The following ASTN2 variants were observed in gnomAD, a reference collection of about 807,000 sequenced individuals.
ASTN2 encodes the protein astrotactin 2, also known as astrotactin-2.
ASTN2 carries 54 observed loss-of-function variants against 139.8 expected under a neutral mutation model. The observed-to-expected ratio is 0.39, with a 90% CI of 0.31 to 0.48. ASTN2 has a LOEUF of 0.48. ASTN2 is among the 20% of genes least tolerant of loss of function. ASTN2 has a pLI of 0.95. For missense variants in ASTN2, 1,565 were observed against 1,725.1 expected (o/e 0.91, Z 1.64); for synonymous variants, 756 against 719.5 (o/e 1.05, Z -0.81).
chr9:116,978,493 A>G (rs12351712), intron 7 of ASTN2, among the ~76,000 whole-genome samples: 1 of 123,304 alleles, frequency 8.1e-6, no homozygotes, highest in Non-Finnish European at 1.6e-5. Context: ...TCTCTCTCTC[A>G]CGCACACACA....
At chr9:116,525,872 A>G (rs562125379) in intron 19 of ASTN2, among the ~76,000 whole-genome samples, 58 of 152,086 alleles carry the variant, frequency 3.8e-4, no homozygotes, top group African/African-American at 1.4e-3. Context: ...TTCCAGACCC[A>G]CTCTCTCCAC....
At chr9:117,308,008 T>C (rs952178024) in intron 1 of ASTN2, among the ~76,000 whole-genome samples, 1 of 152,298 alleles carries the variant, frequency 6.6e-6, no homozygotes, top group Non-Finnish European at 1.5e-5. Context: ...GATTTTGTTA[T>C]GGGAAAAAAA....
intron 5 of ASTN2, among the ~76,000 whole-genome samples, chr9:117,075,840 T>C (rs1312099096): frequency 1.3e-5 from 2 of 152,162 alleles, no homozygotes; most frequent in African/African-American, 2.4e-5. Flanking sequence ...TGTGCCTCAG[T>C]TTTCTCATCC....
chr9:116,925,405 T>A (rs1177976897), intron 10 of ASTN2, among the ~76,000 whole-genome samples: 1 of 152,184 alleles, frequency 6.6e-6, no homozygotes, highest in East Asian at 1.9e-4. Flanking sequence ...AGCTGTGTAA[T>A]GGGGCAGAAG....
At chr9:116,754,485 T>G (rs762501824) in intron 13 of ASTN2, among the ~76,000 whole-genome samples, 15 of 152,218 alleles carry the variant, frequency 9.9e-5, no homozygotes, top group Admixed American at 1.3e-4. Context: ...GTTTCCTGTC[T>G]TTTTAATGAT....
At chr9:117,248,777 A>C (rs10818015) in intron 2 of ASTN2, among the ~76,000 whole-genome samples, 30,549 of 152,252 alleles carry the variant, frequency 0.2, 3,243 homozygotes, top group East Asian at 0.29. Flanking sequence ...GAAAAGGTAA[A>C]GGACATGTAG....
chr9:116,550,603 T>C (rs1020096977), intron 19 of ASTN2, among the ~76,000 whole-genome samples: 1 of 152,090 alleles, frequency 6.6e-6, no homozygotes, highest in Non-Finnish European at 1.5e-5. Flanking sequence ...TAAGAATGCG[T>C]CCAACAGTGC....
intron 1 of ASTN2, among the ~76,000 whole-genome samples, chr9:117,318,848 T>A (rs1828229892): frequency 6.6e-6 from 1 of 152,158 alleles, no homozygotes; most frequent in Non-Finnish European, 1.5e-5. Flanking sequence ...TTCTGAGATC[T>A]TATTGTTATA....
intron 2 of ASTN2, among the ~76,000 whole-genome samples, chr9:117,250,508 A>G (rs1475296450): frequency 6.6e-6 from 1 of 152,238 alleles, no homozygotes; most frequent in African/African-American, 2.4e-5. Context: ...TAGTTTTAGA[A>G]AAATATTTTT....
chr9:116,439,793 A>G (rs1213858330), intron 22 of ASTN2, among the ~76,000 whole-genome samples: 3 of 152,204 alleles, frequency 2.0e-5, no homozygotes, highest in Admixed American at 6.5e-5. Context: ...CCAGATGCCT[A>G]TGTCTCATGT....
In ASTN2 at chr9:117,013,504, C is replaced by A. The variant is rs1267626175; in HGVS notation, c.1424-5245G>T. 4.0e-5 allele frequency among the ~76,000 whole-genome samples: 6 copies of A among 148,752 alleles called. No individual in the cohort carries two copies. The South Asian group carries it at 1.3e-3, about 31-fold the overall frequency. ...TATATATATTTTTTTTTTTCTCCCA[C>A]TTACTTGTGGGAATATACATCATCT... On this transcript the variant is annotated intron_variant, in intron 6 of 22. Transcript: ENST00000313400.
At chr9:116,572,993 G>A (rs113369798) in intron 19 of ASTN2, among the ~76,000 whole-genome samples, 14 of 144,006 alleles carry the variant, frequency 9.7e-5, no homozygotes, top group South Asian at 6.6e-4. Context: ...GGGTACATGC[G>A]TGCACACATG....
intron 20 of ASTN2, among the ~76,000 whole-genome samples, chr9:116,469,341 T>G (rs1269415554): frequency 6.6e-6 from 1 of 152,106 alleles, no homozygotes; most frequent in African/African-American, 2.4e-5. Flanking sequence ...CTATATGACG[T>G]CATAGAACCA....
chr9:116,800,772 A>G (rs919587047), intron 13 of ASTN2, among the ~76,000 whole-genome samples: 55 of 152,210 alleles, frequency 3.6e-4, no homozygotes, highest in African/African-American at 1.3e-3. Flanking sequence ...AGCCAGTTAT[A>G]TTATTTCCTG....
rs560060853 is a variant in ASTN2 at position 116,687,729 on chromosome 9, C to T, written c.2807-35936G>A. Among the ~76,000 whole-genome samples the T allele has an allele frequency of 1.2e-4, 18 of 151,788 alleles. No homozygotes were observed. The South Asian group carries it at 3.6e-3, about 30-fold the overall frequency. The stretch of plus-strand genomic sequence containing the variant: ...GTGGGAGATGGGAGGGAATCAGGGC[C>T]CTGGAGGGACCTGGGTGCAGAATTT... On this transcript the variant is annotated intron_variant, in intron 16 of 22. Coordinates refer to ENST00000313400, the MANE Select transcript of ASTN2 (RefSeq NM_001365068.1).
chr9:117,144,932 C>T (rs1274495506), intron 3 of ASTN2, among the ~76,000 whole-genome samples: 4 of 151,920 alleles, frequency 2.6e-5, no homozygotes, highest in Non-Finnish European at 5.9e-5. Context: ...ATTGGCCTGC[C>T]TCAGCCTCTC....
intron 12 of ASTN2, among the ~76,000 whole-genome samples, chr9:116,806,448 C>A (rs1194519242): frequency 3.3e-5 from 5 of 152,162 alleles, no homozygotes; most frequent in Non-Finnish European, 5.9e-5. Context: ...AGTGACAAAT[C>A]TCAGAGAGGC....
chr9:116,956,933 A>G (rs552339104), intron 10 of ASTN2, among the ~76,000 whole-genome samples: 1 of 152,340 alleles, frequency 6.6e-6, no homozygotes, highest in African/African-American at 2.4e-5. Context: ...AGAAATTAAG[A>G]TCTAAATAGA....
At chr9:117,263,597 C>T (rs191597233) in intron 2 of ASTN2, among the ~76,000 whole-genome samples, 6 of 152,322 alleles carry the variant, frequency 3.9e-5, no homozygotes, top group Admixed American at 1.3e-4. Flanking sequence ...AATTTTAACT[C>T]CTATTTCACC....
Sources: gnomAD v4.1 joint callset for allele counts (sites outside exome capture counted in the v4.1 genomes callset) on GRCh38, gnomAD v4.1.1 for gene constraint, MANE v1.5 for transcripts, NCBI Gene and HGNC (gene_info 2026-07-23, HGNC 2026-07-21) for gene names.